The following FAM78B variants were observed in gnomAD, a reference collection of about 807,000 sequenced individuals.
FAM78B encodes protein FAM78B.
A neutral mutation model predicts 20.0 loss-of-function variants in FAM78B; 10 were observed. That is an observed-to-expected ratio of 0.50 (90% CI 0.31 to 0.85). FAM78B has a LOEUF of 0.85. Ranked by LOEUF, FAM78B falls within the 40% of genes least tolerant of loss-of-function variation. The pLI is 0.05. For missense variants in FAM78B, 283 were observed against 345.0 expected (o/e 0.82, Z 1.42); for synonymous variants, 135 against 132.8 (o/e 1.02, Z -0.12).
At chr1:166,114,070 C>T (rs181218610) in intron 1 of FAM78B, among the ~76,000 whole-genome samples, 48 of 152,360 alleles carry the variant, frequency 3.2e-4, no homozygotes, top group African/African-American at 1.1e-3. Flanking sequence ...AAATAAATCA[C>T]ATAGACACCA....
chr1:166,117,701 T>G (rs1222227230), intron 1 of FAM78B, among the ~76,000 whole-genome samples: 1 of 152,244 alleles, frequency 6.6e-6, no homozygotes, highest in Admixed American at 6.5e-5. Context: ...CTCACTGGTC[T>G]GAAAGAATGC....
intron 1 of FAM78B, among the ~76,000 whole-genome samples, chr1:166,131,602 A>G (rs1654880736): frequency 6.6e-6 from 1 of 152,126 alleles, no homozygotes; most frequent in African/African-American, 2.4e-5. Flanking sequence ...TGCTGGGTAG[A>G]ACTGGGCTGC....
intron 1 of FAM78B, among the ~76,000 whole-genome samples, chr1:166,078,388 A>T (rs1652420867): frequency 1.3e-5 from 2 of 152,148 alleles, no homozygotes. Flanking sequence ...CCTCACTGTG[A>T]TAAACAGTGT....
chr1:166,086,316 C>G (rs1282217045), intron 1 of FAM78B, among the ~76,000 whole-genome samples: 1 of 152,266 alleles, frequency 6.6e-6, no homozygotes, highest in Middle Eastern at 3.4e-3. Context: ...ATAGGTGACA[C>G]TAGAGCAGAG....
At chr1:166,119,213 C>T (rs1446018858) in intron 1 of FAM78B, among the ~76,000 whole-genome samples, 3 of 152,180 alleles carry the variant, frequency 2.0e-5, no homozygotes, top group Non-Finnish European at 4.4e-5. Context: ...ACAACTGTCT[C>T]GAGTTCAACT....
chr1:166,077,170 A>G (rs569419346), intron 1 of FAM78B, among the ~76,000 whole-genome samples: 8 of 152,326 alleles, frequency 5.3e-5, no homozygotes, highest in Middle Eastern at 3.4e-3. Flanking sequence ...AGCACAAGAA[A>G]AAAACGAGAA....
At chr1:166,097,183 CAGG>C (rs778404111) in intron 1 of FAM78B, among the ~76,000 whole-genome samples, 2 of 152,172 alleles carry the variant, frequency 1.3e-5, no homozygotes, top group African/African-American at 4.8e-5. Flanking sequence ...GAGAGAAATA[CAGG>C]AGTAGAGGAA....
At chr1:166,098,267 C>T (rs1485628733) in intron 1 of FAM78B, among the ~76,000 whole-genome samples, 2 of 152,062 alleles carry the variant, frequency 1.3e-5, no homozygotes, top group African/African-American at 4.8e-5. Context: ...ACAGAGACTA[C>T]CCAAATGAGA....
intron 1 of FAM78B, among the ~76,000 whole-genome samples, chr1:166,136,074 G>A (rs577675623): frequency 2.0e-5 from 3 of 152,038 alleles, no homozygotes; most frequent in African/African-American, 4.8e-5. Context: ...CTTTTAAAGG[G>A]GACTTGTCAC....
At chr1:166,066,464 G>A (rs1651799310), downstream of FAM78B, among the ~76,000 whole-genome samples, 1 of 152,180 alleles carries the variant, frequency 6.6e-6, no homozygotes, top group African/African-American at 2.4e-5. Context: ...TCTAGTCAGG[G>A]ATGAACAGGA....
intron 1 of FAM78B, among the ~76,000 whole-genome samples, chr1:166,141,137 G>C (rs543830433): frequency 1.3e-5 from 2 of 152,214 alleles, no homozygotes; most frequent in Admixed American, 6.5e-5. Flanking sequence ...CTCACCTGCC[G>C]TAGTCCAGGA....
rs185976417 is a variant in FAM78B, at chr1:166,104,127, G to C, written c.264-33364C>G. ...CCACATGATTATCTCAATAGATGCA[G>C]AAAAGGCTTTTGACAAAATTCAACA... is the stretch of plus-strand genomic sequence containing the variant. On this transcript the variant is annotated intron_variant, in intron 1 of 1. Coordinates refer to ENST00000354422, the MANE Select transcript of FAM78B (RefSeq NM_001017961.5). Among the ~76,000 whole-genome samples the C allele has an allele frequency of 3.7e-4, 57 of 152,290 alleles. No individual in the cohort carries two copies. In the East Asian group the frequency reaches 9.1e-3, roughly 24 times the overall value.
intron 1 of FAM78B, among the ~76,000 whole-genome samples, chr1:166,109,886 A>ATATATATATGTATATATG (rs1553219467): frequency 4.3e-4 from 8 of 18,546 alleles, no homozygotes; most frequent in Admixed American, 7.6e-4. Flanking sequence ...ATATATGTAT[A>ATATATATATGTATATATG]TATGTATATA....
At chr1:166,128,795 T>C (rs1475028683) in intron 1 of FAM78B, among the ~76,000 whole-genome samples, 1 of 152,188 alleles carries the variant, frequency 6.6e-6, no homozygotes, top group African/African-American at 2.4e-5. Flanking sequence ...GAGCATCTCT[T>C]TGGCTGGTTA....
At chr1:166,077,959 AT>A (rs377714312) in intron 1 of FAM78B, among the ~76,000 whole-genome samples, 1 of 1,864 alleles carries the variant, frequency 5.4e-4, no homozygotes, top group Non-Finnish European at 1.2e-3. Flanking sequence ...TATATATATA[AT>A]TATATATATA....
chr1:166,143,300 AG>A (rs1655343521), intron 1 of FAM78B, among the ~76,000 whole-genome samples: 1 of 151,972 alleles, frequency 6.6e-6, no homozygotes, highest in East Asian at 1.9e-4. Flanking sequence ...CTTCTAGGAG[AG>A]GAGAGGGTAA....
chr1:166,088,698 C>G (rs991859780), intron 1 of FAM78B, among the ~76,000 whole-genome samples: 45 of 152,166 alleles, frequency 3.0e-4, no homozygotes, highest in African/African-American at 1.1e-3. Flanking sequence ...GGCTTCCTGA[C>G]TGTTCCAGCC....
intron 1 of FAM78B, among the ~76,000 whole-genome samples, chr1:166,127,059 G>A (rs1654671202): frequency 6.6e-6 from 1 of 152,100 alleles, no homozygotes; most frequent in South Asian, 2.1e-4. Flanking sequence ...CTGAAGGCTG[G>A]GTCTTTCTCT....
intron 1 of FAM78B, among the ~76,000 whole-genome samples, chr1:166,152,867 G>A (rs1262438309): frequency 6.6e-6 from 1 of 151,860 alleles, no homozygotes; most frequent in African/African-American, 2.4e-5. Context: ...TAGTACAGAC[G>A]AGGTTTCACC....
Sources: allele counts gnomAD v4.1 joint callset (sites outside exome capture counted in the v4.1 genomes callset), GRCh38; gene constraint gnomAD v4.1.1; transcripts MANE v1.5; gene names NCBI Gene and HGNC (gene_info 2026-07-23, HGNC 2026-07-21).